The following HS3ST3B1 variants were observed in gnomAD, a reference collection of about 807,000 sequenced individuals.
HS3ST3B1 encodes the protein heparan sulfate glucosamine 3-O-sulfotransferase 3B1.
HS3ST3B1 carries 13 observed loss-of-function variants against 21.3 expected under a neutral mutation model. That is an observed-to-expected ratio of 0.61 (90% CI 0.40 to 0.97). The LOEUF is 0.97. HS3ST3B1 is among the 50% of genes least tolerant of loss of function. The probability of loss-of-function intolerance (pLI) is 0.00; values close to 1 mark genes in which losing one functional copy is unlikely to be tolerated. For missense variants in HS3ST3B1, 459 were observed against 554.8 expected (o/e 0.83, Z 1.73); for synonymous variants, 234 against 254.8 (o/e 0.92, Z 0.78).
chr17:14,307,022 A>C (rs754114139), intron 1 of HS3ST3B1, among the ~76,000 whole-genome samples: 1 of 151,176 alleles, frequency 6.6e-6, no homozygotes, highest in East Asian at 2.0e-4. Flanking sequence ...AAATTAACCT[A>C]ATCATAAGTG....
intron 1 of HS3ST3B1, among the ~76,000 whole-genome samples, chr17:14,321,634 C>G (rs1245704122): frequency 6.6e-6 from 1 of 152,066 alleles, no homozygotes; most frequent in Non-Finnish European, 1.5e-5. Flanking sequence ...TTGAGCAACC[C>G]TGGCCTGTAA....
At chr17:14,341,519 G>A (rs1910383116) in intron 1 of HS3ST3B1, among the ~76,000 whole-genome samples, 1 of 152,112 alleles carries the variant, frequency 6.6e-6, no homozygotes, top group South Asian at 2.1e-4. Flanking sequence ...GCCCTAGGAG[G>A]CAGACATCAT....
At chr17:14,337,203 A>G (rs979838884) in intron 1 of HS3ST3B1, among the ~76,000 whole-genome samples, 2 of 152,090 alleles carry the variant, frequency 1.3e-5, no homozygotes, top group Non-Finnish European at 2.9e-5. Flanking sequence ...GTAGAGGTGG[A>G]CTTATCTTTC....
At chr17:14,329,672 C>T (rs1909945429) in intron 1 of HS3ST3B1, among the ~76,000 whole-genome samples, 1 of 152,180 alleles carries the variant, frequency 6.6e-6, no homozygotes, top group Admixed American at 6.5e-5. Flanking sequence ...GAAGGAGACT[C>T]AGTTTTTCTT....
rs138486115 is a variant in HS3ST3B1, at chr17:14,307,936, G to A, written c.554+5864G>A. Among the ~76,000 whole-genome samples the A allele has an allele frequency of 5.3e-3, 810 of 152,254 alleles. 7 individuals are homozygous for A. The highest frequency in any genetic ancestry group is 0.018 in the African/African-American group (748 of 41,546). On this transcript the variant is annotated intron_variant, in intron 1 of 1. Coordinates refer to ENST00000360954, the MANE Select transcript of HS3ST3B1 (RefSeq NM_006041.3). ...GGATAGTCAGGAATTCCAGCAAAAT[G>A]AGTCCCCCAAGTATGTGGCATATTT...
chr17:14,343,688 TA>T (rs1482299526), intron 1 of HS3ST3B1, among the ~76,000 whole-genome samples: 6 of 152,212 alleles, frequency 3.9e-5, no homozygotes, highest in Admixed American at 3.9e-4. Context: ...AAAGGCTGTA[TA>T]ATATTTCATT....
chr17:14,319,543 C>T (rs568005997), intron 1 of HS3ST3B1, among the ~76,000 whole-genome samples: 1 of 152,318 alleles, frequency 6.6e-6, no homozygotes, highest in Non-Finnish European at 1.5e-5. Context: ...TGAGCATCTA[C>T]TCTGTATCAG....
At chr17:14,330,550 GGTGTGTGTGTGT>G (rs60767866) in intron 1 of HS3ST3B1, among the ~76,000 whole-genome samples, 18 of 144,174 alleles carry the variant, frequency 1.2e-4, no homozygotes, top group South Asian at 6.9e-4. Context: ...CTGGTTTCCC[GGTGTGTGTGTGT>G]GTGTGTGTGT....
chr17:14,302,040 T>G lies in HS3ST3B1; in HGVS notation c.522T>G (p.Asp174Glu). 6.2e-7 allele frequency: 1 copy of G among 1,606,890 alleles called. No individual in the cohort carries two copies. The highest frequency in any genetic ancestry group is 1.1e-5 in the South Asian group (1 of 90,656). Reference protein sequence around the residue: ...RAVGAEPHFFDRSYDKGLAWY... With the variant: ...RAVGAEPHFFERSYDKGLAWY... Reference sequence around the variant, plus strand: ...TGGGCGCCGAGCCCCATTTCTTCGATCGCAGCTACGACAAGGGCCTCGCTT... The same window carrying G: ...TGGGCGCCGAGCCCCATTTCTTCGAGCGCAGCTACGACAAGGGCCTCGCTT... The change falls in exon 1 of 2, where the codon GAT becomes GAG. Residue 174 changes from aspartate to glutamate, a missense_variant. Physicochemically the swap from Asp to Glu is conservative, Grantham distance 45. Transcript: ENST00000360954.
intron 1 of HS3ST3B1, among the ~76,000 whole-genome samples, chr17:14,319,973 T>A (rs554308537): frequency 3.3e-5 from 5 of 152,020 alleles, no homozygotes; most frequent in South Asian, 2.1e-4. Flanking sequence ...CTTAATGCTT[T>A]TGCGCAGGAG....
intron 1 of HS3ST3B1, among the ~76,000 whole-genome samples, chr17:14,310,574 C>T (rs1909274772): frequency 6.6e-6 from 1 of 152,190 alleles, no homozygotes; most frequent in Non-Finnish European, 1.5e-5. Flanking sequence ...TACAAGATTT[C>T]GTTCTTCCTT....
intron 1 of HS3ST3B1, among the ~76,000 whole-genome samples, chr17:14,339,156 G>A (rs1215537761): frequency 6.6e-6 from 1 of 152,110 alleles, no homozygotes; most frequent in Non-Finnish European, 1.5e-5. Context: ...ATCCCTTCCT[G>A]CCCACGTGGT....
At chr17:14,318,459 C>T (rs1357026943) in intron 1 of HS3ST3B1, among the ~76,000 whole-genome samples, 1 of 152,210 alleles carries the variant, frequency 6.6e-6, no homozygotes, top group Non-Finnish European at 1.5e-5. Flanking sequence ...ATGCTTGGCT[C>T]CTGCTTGCCG....
chr17:14,305,026 C>T, intron 1 of HS3ST3B1: 1 of 152,242 alleles, frequency 6.6e-6, no homozygotes, highest in Non-Finnish European at 1.5e-5. Context: ...TTCCACTTGG[C>T]AAAAGGAGAC....
At chr17:14,318,773 C>A (rs1909573904) in intron 1 of HS3ST3B1, among the ~76,000 whole-genome samples, 1 of 152,156 alleles carries the variant, frequency 6.6e-6, no homozygotes, top group Non-Finnish European at 1.5e-5. Flanking sequence ...AATGTTCAGT[C>A]TTTCACTGTT....
rs1281383208 is a variant in HS3ST3B1 at position 14,301,861 on chromosome 17, A to G, written c.343A>G (p.Ser115Gly). ...AEGAASPEEQ[S>G]PEVPDSPSPI... is the part of the protein sequence containing the mutation. ...GGGCGCTGCGAGCCCGGAGGAGCAGAGTCCCGAGGTGCCGGACTCCCCAAG... is the reference window on the plus strand; with the variant it reads ...GGGCGCTGCGAGCCCGGAGGAGCAGGGTCCCGAGGTGCCGGACTCCCCAAG... The change falls in exon 1 of 2, where the codon AGT becomes GGT. Residue 115 changes from serine (S) to glycine (G), a missense_variant. Ser to Gly is a moderately conservative substitution (Grantham distance 56). Coordinates refer to ENST00000360954, the MANE Select transcript of HS3ST3B1 (RefSeq NM_006041.3). 3.1e-6 allele frequency: 5 copies of G among 1,600,354 alleles called. No homozygotes were observed. Among genetic ancestry groups the G allele is most frequent in the Non-Finnish European group, 4.3e-6 (5 of 1,174,822 alleles).
At chr17:14,312,248 C>T (rs1035263831) in intron 1 of HS3ST3B1, among the ~76,000 whole-genome samples, 13 of 152,092 alleles carry the variant, frequency 8.5e-5, no homozygotes, top group African/African-American at 2.9e-4. Context: ...CAGAGATTGC[C>T]TAAGGTCATA....
chr17:14,321,182 G>A (rs191614681), intron 1 of HS3ST3B1, among the ~76,000 whole-genome samples: 88 of 152,304 alleles, frequency 5.8e-4, no homozygotes, highest in Admixed American at 2.7e-3. Context: ...ACACTTTCCC[G>A]TCTACGTTCC....
At chr17:14,308,237 C>A (rs772688118) in intron 1 of HS3ST3B1, among the ~76,000 whole-genome samples, 2 of 152,122 alleles carry the variant, frequency 1.3e-5, no homozygotes, top group Non-Finnish European at 1.5e-5. Context: ...ACGTGAGAAG[C>A]AATTACCATC....
Sources: allele counts gnomAD v4.1 joint callset (sites outside exome capture counted in the v4.1 genomes callset), GRCh38; gene constraint gnomAD v4.1.1; transcripts MANE v1.5; gene names NCBI Gene and HGNC (gene_info 2026-07-23, HGNC 2026-07-21).